The following FAM20B variants were observed in gnomAD, a reference collection of about 807,000 sequenced individuals.
The protein encoded by FAM20B is glycosaminoglycan xylosylkinase.
Under a neutral mutation model 43.8 loss-of-function variants are expected in FAM20B, and 23 were observed. The ratio of observed to expected loss-of-function variants is 0.53; its 90% CI spans 0.38 to 0.74. FAM20B has a LOEUF of 0.74. FAM20B is among the 30% of genes least tolerant of loss of function. The pLI, the probability that FAM20B is intolerant of heterozygous loss-of-function variation, is 0.00. For missense variants in FAM20B, 440 were observed against 510.5 expected (o/e 0.86, Z 1.33); for synonymous variants, 178 against 192.4 (o/e 0.93, Z 0.62).
intron 1 of FAM20B, among the ~76,000 whole-genome samples, chr1:179,026,432 C>A (rs1010697515): frequency 6.6e-6 from 1 of 152,132 alleles, no homozygotes; most frequent in Non-Finnish European, 1.5e-5. Flanking sequence ...CCGCCTCAGG[C>A]TGCCAGAGGT....
chr1:179,026,654 C>T (rs1287052563), intron 1 of FAM20B, among the ~76,000 whole-genome samples: 1 of 152,336 alleles, frequency 6.6e-6, no homozygotes, highest in East Asian at 1.9e-4. Flanking sequence ...CCCGCGGTCT[C>T]CTGGGGTCCT....
chr1:179,060,141 A>G (rs1376455944), intron 4 of FAM20B, among the ~76,000 whole-genome samples: 1 of 151,972 alleles, frequency 6.6e-6, no homozygotes, highest in Non-Finnish European at 1.5e-5. Context: ...AACATATGGC[A>G]CACTTTGCAT....
rs1234792312 is a variant in FAM20B, at chr1:179,043,997, G to A, written c.150G>A (p.Val50=). Residue 50 remains valine (V), a synonymous_variant, in exon 2 of 8, where the codon GTG becomes GTA. Transcript: ENST00000263733. ...AFHRMMTGLR[V]ELAPKLDHTL... ...ACCGAATGATGACTGGCTTGCGGGT[G>A]GAGCTGGCACCCAAGCTGGACCATA... The A allele has an allele frequency of 6.2e-7, 1 of 1,614,178 alleles. No homozygotes were observed.
chr1:179,048,978 C>T (rs1342338793), intron 2 of FAM20B, among the ~76,000 whole-genome samples: 3 of 152,162 alleles, frequency 2.0e-5, no homozygotes, highest in African/African-American at 7.2e-5. Context: ...CCTCTCTTCT[C>T]CACATCACTC....
chr1:179,043,687 A>G lies in FAM20B; in HGVS notation c.-133-28A>G, dbSNP rs908931375. The G allele has an allele frequency of 6.4e-6, 4 of 624,948 alleles. No homozygotes were observed. In the Admixed American group the frequency reaches 9.5e-5, roughly 15 times the overall value. 38.7% of individuals were successfully genotyped at this position (624,948 alleles called of 1,614,324 possible). ...GGGTGGAAGGACAGAATTTTTGATC[A>G]AATTTTGCTTTGTACTTGGGCTTGC... is the stretch of plus-strand genomic sequence containing the variant. On this transcript the variant is annotated intron_variant, in intron 1 of 7. Coordinates refer to ENST00000263733, the MANE Select transcript of FAM20B (RefSeq NM_014864.4).
chr1:179,044,766 T>C (rs552584690), intron 2 of FAM20B, among the ~76,000 whole-genome samples: 97 of 152,252 alleles, frequency 6.4e-4, no homozygotes, highest in Non-Finnish European at 1.2e-3. Flanking sequence ...TAAACATCCA[T>C]GTGCAGGTTT....
At position 179,074,150 on chromosome 1, in the gene FAM20B, G is replaced by A. The variant is rs1652043840; in HGVS notation, c.*2006G>A. ...AATGGCATGAAATTAGGAAACTTTTGTACATTTTATATACATTTTGAGATG... is the reference window on the plus strand; with the variant it reads ...AATGGCATGAAATTAGGAAACTTTTATACATTTTATATACATTTTGAGATG... On this transcript the variant is annotated 3_prime_UTR_variant, in exon 8 of 8. Transcript: ENST00000263733. 1 of 152,598 alleles carries A rather than the reference G, an allele frequency of 6.6e-6. No homozygotes were observed. The highest frequency in any genetic ancestry group is 1.5e-5 in the Non-Finnish European group (1 of 68,036). 9.5% of individuals were successfully genotyped at this position (152,598 alleles called of 1,614,324 possible).
At chr1:179,023,974 C>T (rs1649651644), upstream of FAM20B, among the ~76,000 whole-genome samples, 1 of 152,140 alleles carries the variant, frequency 6.6e-6, no homozygotes, top group South Asian at 2.1e-4. Context: ...AAACTGACAT[C>T]ATGGAGTGTC....
chr1:179,035,648 G>A (rs1650194945), intron 1 of FAM20B: 1 of 420,968 alleles, frequency 2.4e-6, no homozygotes. Flanking sequence ...TCTTTTCTTT[G>A]TCATCTTGGA....
In FAM20B at chr1:179,075,974, T is replaced by C. The variant is rs1397734420; in HGVS notation, c.*3830T>C. ...AACATGAGTAAAAGTATATGTAATG[T>C]ATATAGTCGTATATGTATTCTAGCA... On this transcript the variant is annotated 3_prime_UTR_variant, in exon 8 of 8. Coordinates refer to ENST00000263733, the MANE Select transcript of FAM20B (RefSeq NM_014864.4). 1 of 152,196 alleles carries C rather than the reference T, an allele frequency of 6.6e-6. No individual in the cohort carries two copies. Among genetic ancestry groups the C allele is most frequent in the East Asian group, 1.9e-4 (1 of 5,196 alleles). 9.4% of individuals were successfully genotyped at this position (152,196 alleles called of 1,614,324 possible).
At chr1:179,034,807 G>A (rs1453539079) in intron 1 of FAM20B, among the ~76,000 whole-genome samples, 2 of 152,204 alleles carry the variant, frequency 1.3e-5, no homozygotes, top group Non-Finnish European at 2.9e-5. Flanking sequence ...TCTGCATGAA[G>A]CATTCTTACT....
intron 1 of FAM20B, among the ~76,000 whole-genome samples, chr1:179,036,527 G>A (rs1650235628): frequency 6.6e-6 from 1 of 152,136 alleles, no homozygotes; most frequent in Admixed American, 6.5e-5. Flanking sequence ...GGTTTTTCGT[G>A]AATAGTTTGA....
At chr1:179,062,085 C>G (rs1651487758) in intron 4 of FAM20B, among the ~76,000 whole-genome samples, 1 of 151,884 alleles carries the variant, frequency 6.6e-6, no homozygotes, top group Admixed American at 6.6e-5. Flanking sequence ...CGGCTTATTG[C>G]AAACTTTGCC....
At chr1:179,068,051 C>A (rs554913474) in intron 7 of FAM20B, among the ~76,000 whole-genome samples, 1 of 152,268 alleles carries the variant, frequency 6.6e-6, no homozygotes, top group South Asian at 2.1e-4. Flanking sequence ...GCGTGAGCCA[C>A]CGCGCCCGAC....
chr1:179,042,480 G>A (rs191776450), intron 1 of FAM20B, among the ~76,000 whole-genome samples: 75 of 152,324 alleles, frequency 4.9e-4, no homozygotes, highest in African/African-American at 1.7e-3. Flanking sequence ...CAAAGAGGAT[G>A]TCACAGCCCT....
At chr1:179,033,647 A>T (rs769259992) in intron 1 of FAM20B, among the ~76,000 whole-genome samples, 1 of 152,136 alleles carries the variant, frequency 6.6e-6, no homozygotes, top group African/African-American at 2.4e-5. Flanking sequence ...ACTACCTCAA[A>T]ATAATAGTGG....
chr1:179,032,039 A>G (rs541900389), intron 1 of FAM20B, among the ~76,000 whole-genome samples: 46 of 152,306 alleles, frequency 3.0e-4, no homozygotes, highest in African/African-American at 1.1e-3. Context: ...GCCTAGTCTT[A>G]TCTACCTCTC....
chr1:179,066,197 G>A (rs538971602), intron 6 of FAM20B, among the ~76,000 whole-genome samples: 18 of 152,282 alleles, frequency 1.2e-4, no homozygotes, highest in Non-Finnish European at 2.4e-4. Context: ...TGGAAAGATT[G>A]AAAGGTTGAC....
In FAM20B at chr1:179,064,484, A is replaced by T. The variant is rs1651611657; in HGVS notation, c.926A>T (p.Asp309Val). ...DEGASMLILL[D>V]NAKSFGNPSL... The stretch of plus-strand genomic sequence containing the variant: ...GGCGCTAGTATGCTCATCCTTCTTG[A>T]TAATGCCAAAAGGTGAGACCAGCAG... The change falls in exon 6 of 8, where the codon GAT becomes GTT. Residue 309 changes from aspartate to valine, a missense_variant. Transcript: ENST00000263733. The T allele has an allele frequency of 6.2e-7, 1 of 1,612,870 alleles. No individual in the cohort carries two copies. Among genetic ancestry groups the T allele is most frequent in the African/African-American group, 1.3e-5 (1 of 74,912 alleles).
Sources: gnomAD v4.1 joint callset for allele counts (sites outside exome capture counted in the v4.1 genomes callset) on GRCh38, gnomAD v4.1.1 for gene constraint, MANE v1.5 for transcripts, NCBI Gene and HGNC (gene_info 2026-07-23, HGNC 2026-07-21) for gene names.